The following TSHZ3 variants were observed in gnomAD, a reference collection of about 807,000 sequenced individuals.
TSHZ3 encodes teashirt homolog 3.
In TSHZ3, 10 loss-of-function variants were observed where a neutral mutation model predicts 64.5. The ratio of observed to expected loss-of-function variants is 0.16; its 90% confidence interval spans 0.10 to 0.26. The LOEUF (loss-of-function observed/expected upper bound fraction) is 0.26, where lower values mean the gene tolerates loss of function less well. Among genes scored for constraint, TSHZ3 ranks in the 10% least tolerant of loss-of-function variants. TSHZ3 has a pLI of 1.00. For missense variants in TSHZ3, 1,242 were observed against 1,421.7 expected (o/e 0.87, Z 2.03); for synonymous variants, 608 against 593.1 (o/e 1.03, Z -0.36).
At chr19:31,202,486 G>A (rs1353538) in intron 5 of TSHZ3, among the ~76,000 whole-genome samples, 105,950 of 152,012 alleles carry the variant, frequency 0.7, 37,119 homozygotes, top group African/African-American at 0.77. Flanking sequence ...TTTAAAAAGA[G>A]TTCTACTCCT....
At chr19:31,249,047 C>T (rs1009026346) in intron 1 of TSHZ3, among the ~76,000 whole-genome samples, 1 of 150,624 alleles carries the variant, frequency 6.6e-6, no homozygotes, top group Non-Finnish European at 1.5e-5. Context: ...TAGTCCCTCC[C>T]TGCTCGCTTG....
chr19:31,218,377 C>A (rs1422513655), intron 4 of TSHZ3, among the ~76,000 whole-genome samples: 1 of 152,168 alleles, frequency 6.6e-6, no homozygotes, highest in African/African-American at 2.4e-5. Context: ...ATTAGCATGG[C>A]TGAAATTGAG....
intron 1 of TSHZ3, among the ~76,000 whole-genome samples, chr19:31,286,612 A>G (rs1033229255): frequency 1.3e-5 from 2 of 152,196 alleles, no homozygotes; most frequent in African/African-American, 4.8e-5. Context: ...GGGATGAGTC[A>G]CTGGAGGTAG....
intron 4 of TSHZ3, among the ~76,000 whole-genome samples, chr19:31,223,992 G>T (rs1431849720): frequency 6.6e-6 from 1 of 152,194 alleles, no homozygotes; most frequent in African/African-American, 2.4e-5. Flanking sequence ...GATGCACTCG[G>T]CAACCAGGCC....
chr19:31,172,555 C>T (rs374711058), intron 5 of TSHZ3, among the ~76,000 whole-genome samples: 2 of 152,110 alleles, frequency 1.3e-5, no homozygotes, highest in Admixed American at 6.6e-5. Context: ...AGAGAACACA[C>T]GCCAACAGTG....
chr19:31,288,456 C>G (rs1232786526), intron 1 of TSHZ3, among the ~76,000 whole-genome samples: 7 of 152,180 alleles, frequency 4.6e-5, no homozygotes. Context: ...ACAGAGCAGA[C>G]CCCAAGGAAA....
chr19:31,296,381 C>A (rs1976661801), intron 1 of TSHZ3, among the ~76,000 whole-genome samples: 2 of 137,718 alleles, frequency 1.5e-5, no homozygotes, highest in African/African-American at 5.6e-5. Flanking sequence ...GTTGCCCAGG[C>A]TGGAGTCCAG....
chr19:31,308,749 C>A (rs562153502), intron 1 of TSHZ3: 27 of 398,442 alleles, frequency 6.8e-5, no homozygotes, highest in Non-Finnish European at 1.2e-4. Context: ...GTCTAAGACC[C>A]CTGCTGAAAT....
intron 3 of TSHZ3, among the ~76,000 whole-genome samples, chr19:31,234,002 G>A (rs1259894873): frequency 6.7e-6 from 1 of 150,040 alleles, no homozygotes; most frequent in African/African-American, 2.4e-5. Context: ...GTCAGTTTGG[G>A]TACAAAGAAC....
At chr19:31,343,813 A>G (rs1917504157) in intron 1 of TSHZ3, among the ~76,000 whole-genome samples, 1 of 151,376 alleles carries the variant, frequency 6.6e-6, no homozygotes, top group Non-Finnish European at 1.5e-5. Context: ...ATCCAGAAAC[A>G]GGGGAAAAAT....
Position 31,279,657 on chromosome 19 carries a change from T to G in TSHZ3, c.136A>C (p.Met46Leu). 6.2e-7 allele frequency: 1 copy of G among 1,605,296 alleles called. No homozygotes were observed. The highest frequency in any genetic ancestry group is 2.2e-5 in the East Asian group (1 of 44,748). ...TADGEPSAKYMCPEKELARAC... is the reference protein window; with the variant it reads ...TADGEPSAKYLCPEKELARAC... Reference sequence around the variant, plus strand: ...CTGGCGAGCTCCTTCTCCGGGCACATGTACTTGGCCGAGGGCTCTCCATCT... The same window carrying G: ...CTGGCGAGCTCCTTCTCCGGGCACAGGTACTTGGCCGAGGGCTCTCCATCT... Residue 46 changes from methionine (M) to leucine (L), a missense_variant, in exon 2 of 2, where the codon ATG becomes CTG. By Grantham distance (15) the Met-to-Leu change is conservative (BLOSUM62 2). Coordinates refer to ENST00000240587, the MANE Select transcript of TSHZ3 (RefSeq NM_020856.4). The surrounding 1 kb of genome is among the most constrained non-coding windows in gnomAD (Gnocchi z 6.4).
chr19:31,340,797 C>T (rs1362086038), intron 1 of TSHZ3, among the ~76,000 whole-genome samples: 1 of 152,220 alleles, frequency 6.6e-6, no homozygotes, highest in Non-Finnish European at 1.5e-5. Flanking sequence ...ACCTGGCAGG[C>T]AGGAGGCTGC....
At chr19:31,225,220 G>A (rs1369270091) in intron 4 of TSHZ3, among the ~76,000 whole-genome samples, 1 of 152,220 alleles carries the variant, frequency 6.6e-6, no homozygotes, top group Non-Finnish European at 1.5e-5. Flanking sequence ...ATCCCGAATG[G>A]CATTATAGGA....
At chr19:31,221,783 T>C (rs1282805809) in intron 4 of TSHZ3, among the ~76,000 whole-genome samples, 1 of 152,208 alleles carries the variant, frequency 6.6e-6, no homozygotes, top group African/African-American at 2.4e-5. Context: ...TATGGTGCAC[T>C]TCCTGGTGGC....
chr19:31,267,904 C>T (rs1352918034), intron 1 of TSHZ3, among the ~76,000 whole-genome samples: 1 of 152,118 alleles, frequency 6.6e-6, no homozygotes, highest in East Asian at 1.9e-4. Context: ...AATGGTCACA[C>T]CTTTGACAAG....
chr19:31,245,529 A>G (rs545157826), intron 1 of TSHZ3, among the ~76,000 whole-genome samples: 23 of 152,332 alleles, frequency 1.5e-4, no homozygotes, highest in Non-Finnish European at 2.9e-4. Flanking sequence ...CTCACGCAGA[A>G]GGTTCTTCTG....
At chr19:31,179,883 T>C (rs115045021) in intron 5 of TSHZ3, among the ~76,000 whole-genome samples, 13 of 152,132 alleles carry the variant, frequency 8.5e-5, no homozygotes, top group African/African-American at 3.1e-4. Context: ...CTACCATTTA[T>C]TGAGCTCATA....
chr19:31,297,114 A>G (rs923162843), intron 1 of TSHZ3, among the ~76,000 whole-genome samples: 1 of 152,184 alleles, frequency 6.6e-6, no homozygotes, highest in Non-Finnish European at 1.5e-5. Flanking sequence ...CTTGTCCCCC[A>G]TTGTGGGAAT....
intron 1 of TSHZ3, among the ~76,000 whole-genome samples, chr19:31,262,936 A>T (rs1191235619): frequency 6.6e-6 from 1 of 152,234 alleles, no homozygotes; most frequent in Non-Finnish European, 1.5e-5. Context: ...GGCTGCGGAC[A>T]TGTGGGTGTT....
Sources: gnomAD v4.1 joint callset for allele counts (sites outside exome capture counted in the v4.1 genomes callset) on GRCh38, gnomAD v4.1.1 for gene constraint, Gnocchi (gnomAD v3.1) non-coding constraint, MANE v1.5 for transcripts, NCBI Gene and HGNC (gene_info 2026-07-23, HGNC 2026-07-21) for gene names.